LINC00305: variants seen among roughly 807,000 people sequenced by gnomAD.
LINC00305 encodes long independently transcribed non-coding RNA 305, also known as long intergenic non-protein coding RNA 305.
chr18:64,091,364 A>C (rs921004159), intron 3 of LINC00305, among the ~76,000 whole-genome samples: 5 of 152,206 alleles, frequency 3.3e-5, no homozygotes, highest in Non-Finnish European at 7.3e-5. Context: ...ATGGGGCAGC[A>C]AGGGTCTCTC....
chr18:64,113,803 C>T (rs1330040239), intron 1 of LINC00305, among the ~76,000 whole-genome samples: 1 of 152,194 alleles, frequency 6.6e-6, no homozygotes, highest in Non-Finnish European at 1.5e-5. Flanking sequence ...GTCATGGATA[C>T]GGAGAGGCTG....
intron 1 of LINC00305, among the ~76,000 whole-genome samples, chr18:64,138,078 G>T (rs2051443650): frequency 6.6e-6 from 1 of 152,188 alleles, no homozygotes; most frequent in South Asian, 2.1e-4. Context: ...CAGGGAAGCA[G>T]TTTGCAGATC....
chr18:64,132,510 C>A (rs956934714), intron 1 of LINC00305, among the ~76,000 whole-genome samples: 1 of 149,772 alleles, frequency 6.7e-6, no homozygotes, highest in Non-Finnish European at 1.5e-5. Flanking sequence ...AATTTCCACT[C>A]CCCCCCCGAG....
chr18:64,081,801 C>T (rs779953138), intron 3 of LINC00305, among the ~76,000 whole-genome samples: 10 of 152,170 alleles, frequency 6.6e-5, no homozygotes, highest in Non-Finnish European at 1.3e-4. Context: ...AGCTAGCCCA[C>T]GTAACGCCCT....
intron 1 of LINC00305, among the ~76,000 whole-genome samples, chr18:64,100,360 G>T (rs71355110): frequency 2.6e-5 from 4 of 152,100 alleles, no homozygotes; most frequent in African/African-American, 9.7e-5. Flanking sequence ...CTTCTTGAAA[G>T]TATGAAGAAA....
At chr18:64,093,513 T>C (rs2051232911) in intron 3 of LINC00305, among the ~76,000 whole-genome samples, 1 of 152,106 alleles carries the variant, frequency 6.6e-6, no homozygotes, top group Admixed American at 6.5e-5. Flanking sequence ...TTTTGTGTTT[T>C]TATAGAGATG....
chr18:64,146,663 A>G (rs991351883), intron 1 of LINC00305, among the ~76,000 whole-genome samples: 7 of 152,220 alleles, frequency 4.6e-5, no homozygotes, highest in African/African-American at 1.2e-4. Flanking sequence ...CTGTTAAAGT[A>G]TCCACTAATG....
rs1010522414 is a variant in LINC00305, at chr18:64,145,391, A to G, written n.314+3384T>C. On this transcript the variant is annotated intron_variant and non_coding_transcript_variant, in intron 1 of 3. Transcript: ENST00000666468. ...CCTACCCCCGCCCTGACTAAACTTA[A>G]TAATAAATGCTGGTATATCCAGTGC... Among the ~76,000 whole-genome samples the G allele has an allele frequency of 3.3e-5, 5 of 152,248 alleles. No homozygotes were observed. In the South Asian group the frequency reaches 8.3e-4, roughly 25 times the overall value.
At chr18:64,085,466 C>CTTT (rs112804959) in intron 3 of LINC00305, among the ~76,000 whole-genome samples, 1 of 144,972 alleles carries the variant, frequency 6.9e-6, no homozygotes, top group Non-Finnish European at 1.5e-5. Context: ...GTATTTGTCA[C>CTTT]TTTTTTTTTT....
intron 1 of LINC00305, among the ~76,000 whole-genome samples, chr18:64,114,814 G>A (rs905687557): frequency 2.0e-5 from 3 of 152,248 alleles, no homozygotes; most frequent in Admixed American, 6.5e-5. Flanking sequence ...CTCCCGAAGT[G>A]CTGGGATTAC....
chr18:64,102,076 C>T (rs2051269578), intron 1 of LINC00305, among the ~76,000 whole-genome samples: 1 of 152,158 alleles, frequency 6.6e-6, no homozygotes, highest in African/African-American at 2.4e-5. Flanking sequence ...CAACATCATC[C>T]TGTGTTCCGA....
intron 1 of LINC00305, among the ~76,000 whole-genome samples, chr18:64,138,554 A>C (rs1331925652): frequency 6.6e-6 from 1 of 152,202 alleles, no homozygotes; most frequent in East Asian, 1.9e-4. Flanking sequence ...AGTCCATAAC[A>C]ATCTGACTGT....
intron 1 of LINC00305, among the ~76,000 whole-genome samples, chr18:64,143,486 TG>T (rs2051474360): frequency 4.0e-5 from 2 of 50,190 alleles, no homozygotes; most frequent in Non-Finnish European, 8.9e-5. Context: ...ATTGATGGTG[TG>T]TGTGTGTATA....
At chr18:64,136,555 C>A (rs2850716) in intron 1 of LINC00305, among the ~76,000 whole-genome samples, 18,577 of 152,208 alleles carry the variant, frequency 0.12, 1,309 homozygotes, top group Non-Finnish European at 0.16. Context: ...ATTCAATTAT[C>A]TCCACCTGGT....
intron 3 of LINC00305, among the ~76,000 whole-genome samples, chr18:64,090,227 T>A (rs2144894872): frequency 6.6e-6 from 1 of 152,302 alleles, no homozygotes; most frequent in African/African-American, 2.4e-5. Flanking sequence ...TATGAAAATA[T>A]CATGGCTACA....
chr18:64,081,249 T>C (rs1210806872), intron 3 of LINC00305, among the ~76,000 whole-genome samples: 1 of 152,266 alleles, frequency 6.6e-6, no homozygotes, highest in Non-Finnish European at 1.5e-5. Flanking sequence ...TATCACAGAC[T>C]ACTAATGTGG....
chr18:64,126,804 C>T (rs1015912884), intron 1 of LINC00305, among the ~76,000 whole-genome samples: 1 of 152,098 alleles, frequency 6.6e-6, no homozygotes, highest in African/African-American at 2.4e-5. Flanking sequence ...GAGATCTCTC[C>T]AAATAACTAC....
intron 1 of LINC00305, among the ~76,000 whole-genome samples, chr18:64,141,193 T>C (rs1488333713): frequency 6.6e-6 from 1 of 151,750 alleles, no homozygotes; most frequent in Non-Finnish European, 1.5e-5. Context: ...CTATAAAAAC[T>C]GTGAGATAAT....
At chr18:64,082,208 C>CT (rs915403055) in intron 3 of LINC00305, among the ~76,000 whole-genome samples, 11 of 151,982 alleles carry the variant, frequency 7.2e-5, no homozygotes, top group Non-Finnish European at 1.2e-4. Flanking sequence ...GTGCTCGAGA[C>CT]TTTTTTTTCA....
Sources: allele counts gnomAD v4.1 joint callset (sites outside exome capture counted in the v4.1 genomes callset), GRCh38; gene constraint gnomAD v4.1.1; transcripts MANE v1.5; gene names NCBI Gene and HGNC (gene_info 2026-07-23, HGNC 2026-07-21).